The following SIPA1L1 variants were observed in gnomAD, a reference collection of about 807,000 sequenced individuals.
SIPA1L1 encodes signal-induced proliferation-associated 1-like protein 1.
In SIPA1L1, 26 loss-of-function variants were observed where a neutral mutation model predicts 162.7. That is an observed-to-expected ratio of 0.16 (90% CI 0.12 to 0.22). The LOEUF is 0.22. Among genes scored for constraint, SIPA1L1 ranks in the 10% least tolerant of loss-of-function variants. The pLI, the probability that SIPA1L1 is intolerant of heterozygous loss-of-function variation, is 1.00. For missense variants in SIPA1L1, 1,874 were observed against 2,241.0 expected (o/e 0.84, Z 3.31); for synonymous variants, 829 against 837.4 (o/e 0.99, Z 0.17).
intron 17 of SIPA1L1, among the ~76,000 whole-genome samples, chr14:71,713,434 A>G (rs2083027055): frequency 6.6e-6 from 1 of 152,200 alleles, no homozygotes; most frequent in African/African-American, 2.4e-5. Context: ...AAGTTTGTAA[A>G]CTCTACGAAG....
intron 2 of SIPA1L1, among the ~76,000 whole-genome samples, chr14:71,404,547 G>A (rs2041911280): frequency 6.6e-6 from 1 of 152,170 alleles, no homozygotes; most frequent in Non-Finnish European, 1.5e-5. Flanking sequence ...CAAGGTTCTA[G>A]GGGGAAGAAC....
At chr14:71,614,794 A>G (rs2038638022) in intron 5 of SIPA1L1, among the ~76,000 whole-genome samples, 1 of 152,222 alleles carries the variant, frequency 6.6e-6, no homozygotes, top group Non-Finnish European at 1.5e-5. Flanking sequence ...GGTTTTGATA[A>G]TGACACACCA....
At chr14:71,430,537 G>A (rs1451985657) in intron 2 of SIPA1L1, among the ~76,000 whole-genome samples, 2 of 152,234 alleles carry the variant, frequency 1.3e-5, no homozygotes, top group East Asian at 1.9e-4. Flanking sequence ...GGGTTTTTGG[G>A]AGCATGAGGT....
At chr14:71,344,289 A>T (rs1448220522) in intron 2 of SIPA1L1, among the ~76,000 whole-genome samples, 7 of 152,262 alleles carry the variant, frequency 4.6e-5, no homozygotes, top group Non-Finnish European at 8.8e-5. Context: ...GATCTCAGAC[A>T]ATTCCTCAAC....
intron 2 of SIPA1L1, among the ~76,000 whole-genome samples, chr14:71,372,404 T>A (rs2038976895): frequency 6.6e-6 from 1 of 152,192 alleles, no homozygotes; most frequent in Non-Finnish European, 1.5e-5. Flanking sequence ...TTTATTGCCA[T>A]CTACAAGGAG....
In SIPA1L1 at chr14:71,698,986, C is replaced by T. The variant is rs759374243; in HGVS notation, c.3380C>T (p.Ser1127Phe). The T allele has an allele frequency of 3.7e-6, 6 of 1,614,062 alleles. No homozygotes were observed. In the African/African-American group the frequency reaches 8.0e-5, roughly 22 times the overall value. Reference sequence around the variant, plus strand: ...TTTTTGTATTGCACATGCAGGCTGTCTCCTGGTTCGGACATCTATGTGACG... The same window carrying T: ...TTTTTGTATTGCACATGCAGGCTGTTTCCTGGTTCGGACATCTATGTGACG... ...SDGRPLERRL[S>F]PGSDIYVTVS... The change falls in exon 14 of 24, where the codon TCT becomes TTT. Residue 1127 changes from serine to phenylalanine, a missense_variant. Physicochemically the swap from Ser to Phe is radical, Grantham distance 155 (BLOSUM62 -2). This residue lies in a region of SIPA1L1 where 936 missense variants were observed against 1,051.9 expected (regional missense o/e 0.89). Transcript: ENST00000381232.
chr14:71,649,492 C>T (rs924931455), intron 7 of SIPA1L1, among the ~76,000 whole-genome samples: 4 of 151,980 alleles, frequency 2.6e-5, no homozygotes, highest in African/African-American at 7.3e-5. Flanking sequence ...GTGCCCAGCC[C>T]AAAGTACACA....
intron 19 of SIPA1L1, among the ~76,000 whole-genome samples, chr14:71,725,791 A>G (rs1254772177): frequency 1.3e-5 from 2 of 152,242 alleles, no homozygotes; most frequent in Non-Finnish European, 2.9e-5. Flanking sequence ...CAGAAAGGTC[A>G]TGGCTGCAAA....
At chr14:71,689,272 G>A (rs929525646) in intron 13 of SIPA1L1, among the ~76,000 whole-genome samples, 12 of 152,074 alleles carry the variant, frequency 7.9e-5, no homozygotes, top group African/African-American at 2.4e-4. Flanking sequence ...AATCCATTTG[G>A]CATCTAAATA....
At chr14:71,427,321 T>G (rs1357906617) in intron 2 of SIPA1L1, among the ~76,000 whole-genome samples, 2 of 152,156 alleles carry the variant, frequency 1.3e-5, no homozygotes, top group South Asian at 2.1e-4. Flanking sequence ...TTGATAGGTT[T>G]GTTTGTTTGT....
intron 4 of SIPA1L1, among the ~76,000 whole-genome samples, chr14:71,577,580 T>C (rs912852142): frequency 6.6e-6 from 1 of 152,076 alleles, no homozygotes; most frequent in Non-Finnish European, 1.5e-5. Context: ...GGTTTCACCA[T>C]GTTGGCCAGG....
intron 2 of SIPA1L1, among the ~76,000 whole-genome samples, chr14:71,508,731 A>G (rs939725379): frequency 2.0e-5 from 3 of 152,220 alleles, no homozygotes; most frequent in Non-Finnish European, 2.9e-5. Context: ...ATTATACTTT[A>G]AAAAACATAG....
At chr14:71,632,506 G>C (rs1338564575) in intron 7 of SIPA1L1, among the ~76,000 whole-genome samples, 1 of 152,200 alleles carries the variant, frequency 6.6e-6, no homozygotes, top group African/African-American at 2.4e-5. Context: ...AATCCTTGCT[G>C]AGGCATTGTT....
intron 5 of SIPA1L1, among the ~76,000 whole-genome samples, chr14:71,603,855 C>T (rs971086058): frequency 6.7e-6 from 1 of 149,942 alleles, no homozygotes; most frequent in Non-Finnish European, 1.5e-5. Context: ...GTGGAGGTTG[C>T]GGTGAGCCGA....
At chr14:71,734,162 TCA>T (rs1250657399) in intron 21 of SIPA1L1, among the ~76,000 whole-genome samples, 5 of 152,264 alleles carry the variant, frequency 3.3e-5, no homozygotes, top group Admixed American at 6.5e-5. Context: ...TTGCTAAATG[TCA>T]CAGTGCCTGC....
At chr14:71,337,135 T>C (rs1416554320) in intron 2 of SIPA1L1, among the ~76,000 whole-genome samples, 1 of 152,212 alleles carries the variant, frequency 6.6e-6, no homozygotes, top group East Asian at 1.9e-4. Context: ...CTTTCCTGCT[T>C]GCTTTTACGA....
At chr14:71,713,566 C>T (rs753160055) in intron 17 of SIPA1L1, among the ~76,000 whole-genome samples, 9 of 152,198 alleles carry the variant, frequency 5.9e-5, no homozygotes, top group Non-Finnish European at 1.2e-4. Context: ...AAAATGCCTG[C>T]CCACAGTTGT....
chr14:71,667,931 G>C (rs1289906392), intron 10 of SIPA1L1, among the ~76,000 whole-genome samples: 1 of 152,114 alleles, frequency 6.6e-6, no homozygotes, highest in African/African-American at 2.4e-5. Flanking sequence ...CAGGCGAGAT[G>C]GCGGGCCCCT....
intron 5 of SIPA1L1, among the ~76,000 whole-genome samples, chr14:71,610,097 T>C (rs1459479993): frequency 1.3e-5 from 2 of 152,234 alleles, no homozygotes; most frequent in Admixed American, 6.5e-5. Context: ...TATTCTGATA[T>C]GTCTGCAACA....
Sources: gnomAD v4.1 joint callset for allele counts (sites outside exome capture counted in the v4.1 genomes callset) on GRCh38, gnomAD v4.1.1 for gene constraint, gnomAD v4.1.1 regional missense constraint, MANE v1.5 for transcripts, NCBI Gene and HGNC (gene_info 2026-07-23, HGNC 2026-07-21) for gene names.